Variants in ARSK observed in about 807,000 individuals in gnomAD.
ARSK encodes arylsulfatase family member K, also known as arylsulfatase K.
ARSK carries 37 observed loss-of-function variants against 53.2 expected under a neutral mutation model. That is an observed-to-expected ratio of 0.70 (90% CI 0.54 to 0.92). ARSK has a LOEUF of 0.92. Among genes scored for constraint, ARSK ranks in the 40% least tolerant of loss-of-function variants. The probability of loss-of-function intolerance (pLI) is 0.00; values close to 1 mark genes in which losing one functional copy is unlikely to be tolerated. For synonymous variants in ARSK, 208 were observed against 223.2 expected (o/e 0.93, Z 0.61); for missense variants, 613 against 643.0 (o/e 0.95, Z 0.51).
chr5:95,583,596 G>T (rs1304561159), intron 4 of ARSK, among the ~76,000 whole-genome samples: 1 of 151,842 alleles, frequency 6.6e-6, no homozygotes, highest in Non-Finnish European at 1.5e-5. Context: ...AAAATATTTT[G>T]AATTATGTTA....
intron 6 of ARSK, among the ~76,000 whole-genome samples, chr5:95,597,641 C>T (rs1749333436): frequency 6.6e-6 from 1 of 152,178 alleles, no homozygotes; most frequent in Non-Finnish European, 1.5e-5. Context: ...CGCCTGTAAT[C>T]CCAGCACTTT....
At chr5:95,562,831 A>C (rs1580214589) in intron 1 of ARSK, among the ~76,000 whole-genome samples, 1 of 152,386 alleles carries the variant, frequency 6.6e-6, no homozygotes, top group East Asian at 1.9e-4. Context: ...AATGGCCTTG[A>C]GAAAATTGAA....
chr5:95,597,960 G>A (rs1460292860), intron 6 of ARSK, among the ~76,000 whole-genome samples: 2 of 151,894 alleles, frequency 1.3e-5, no homozygotes, highest in Admixed American at 6.6e-5. Flanking sequence ...CTGGAACATG[G>A]TGAACAATTA....
Position 95,568,816 on chromosome 5 carries a change from G to A in ARSK, c.416+767G>A, listed in dbSNP as rs138931797. Among the ~76,000 whole-genome samples the A allele has an allele frequency of 2.0e-3, 303 of 152,162 alleles. 2 individuals carry two copies. The highest frequency in any genetic ancestry group is 7.1e-3 in the African/African-American group (294 of 41,488). On this transcript the variant is annotated intron_variant, in intron 3 of 7. Transcript: ENST00000380009. ...GCATTTGTGCATTGTGGTTTATGCCGAATACCAGCTTTCCTTCCAGGAGTA... is the reference window on the plus strand; with the variant it reads ...GCATTTGTGCATTGTGGTTTATGCCAAATACCAGCTTTCCTTCCAGGAGTA...
At position 95,567,975 on chromosome 5, in the gene ARSK, T is replaced by A; in HGVS notation, c.342T>A (p.Asp114Glu). The part of the protein sequence containing the change: ...GLDPNYTTWM[D>E]VMERHGYRTQ... ...ATCCAAATTATACAACATGGATGGATGTCATGGAGAGGCATGGCTACCGAA... is the reference window on the plus strand; with the variant it reads ...ATCCAAATTATACAACATGGATGGAAGTCATGGAGAGGCATGGCTACCGAA... Residue 114 changes from aspartate to glutamate, a missense_variant, in exon 3 of 8, where the codon GAT becomes GAA. Transcript: ENST00000380009. 1 of 1,613,924 alleles carries A rather than the reference T, an allele frequency of 6.2e-7. No homozygotes were observed. Among genetic ancestry groups the A allele is most frequent in the Non-Finnish European group, 8.5e-7 (1 of 1,179,892 alleles).
At chr5:95,576,708 A>G (rs1180663900) in intron 3 of ARSK, among the ~76,000 whole-genome samples, 3 of 151,500 alleles carry the variant, frequency 2.0e-5, no homozygotes. Context: ...AACATGGTGA[A>G]ACCCTGTCTC....
chr5:95,576,683 G>T (rs895081741), intron 3 of ARSK, among the ~76,000 whole-genome samples: 2 of 151,392 alleles, frequency 1.3e-5, no homozygotes, highest in African/African-American at 2.4e-5. Flanking sequence ...TCAGGAGCTC[G>T]AGACCAGCCT....
intron 3 of ARSK, among the ~76,000 whole-genome samples, chr5:95,568,516 C>T (rs186627323): frequency 1.1e-4 from 16 of 152,242 alleles, no homozygotes; most frequent in African/African-American, 3.9e-4. Flanking sequence ...ATCAGATTGC[C>T]TGCTTTTGAA....
chr5:95,565,178 T>TC (rs1471490926), intron 1 of ARSK, among the ~76,000 whole-genome samples: 5 of 152,192 alleles, frequency 3.3e-5, no homozygotes, highest in African/African-American at 1.2e-4. Flanking sequence ...GTTCTTCAAT[T>TC]CCCAGTTCAT....
At chr5:95,587,775 A>G (rs1749146430) in intron 5 of ARSK, among the ~76,000 whole-genome samples, 1 of 152,046 alleles carries the variant, frequency 6.6e-6, no homozygotes, top group South Asian at 2.1e-4. Flanking sequence ...GTGTGGTGGC[A>G]CGCACGTGTG....
In ARSK at chr5:95,586,683, A is replaced by G. The variant is rs779685757; in HGVS notation, c.821A>G (p.Asn274Ser). 17 of 1,611,908 alleles carry G rather than the reference A, an allele frequency of 1.1e-5. No homozygotes were observed. The East Asian group carries it at 3.8e-4, about 36-fold the overall frequency. Residue 274 changes from asparagine to serine, a missense_variant, in exon 5 of 8, where the codon AAT becomes AGT. Asn to Ser is a conservative substitution (Grantham distance 46, BLOSUM62 1). Transcript: ENST00000380009. ...TGRFTKKEIK[N>S]IRAFYYAMCA... The stretch of plus-strand genomic sequence containing the variant: ...AGATTTACAAAAAAAGAAATTAAGA[A>G]TATTAGAGCATTTTATTATGCTATG...
intron 2 of ARSK, among the ~76,000 whole-genome samples, chr5:95,566,713 T>C (rs1484297169): frequency 1.3e-5 from 2 of 152,206 alleles, no homozygotes; most frequent in East Asian, 3.8e-4. Flanking sequence ...AATTAACAAA[T>C]AGGAAAAAAC....
chr5:95,566,932 GAAACT>G (rs1306012249), intron 2 of ARSK, among the ~76,000 whole-genome samples: 6 of 152,104 alleles, frequency 3.9e-5, no homozygotes, highest in African/African-American at 1.2e-4. Context: ...GTGATGAAAA[GAAACT>G]AAACTATATT....
chr5:95,587,677 C>A (rs1749144012), intron 5 of ARSK, among the ~76,000 whole-genome samples: 1 of 152,110 alleles, frequency 6.6e-6, no homozygotes, highest in African/African-American at 2.4e-5. Flanking sequence ...GAGGCTGAGG[C>A]AGGTGGATCA....
At position 95,603,327 on chromosome 5, in the gene ARSK, T is replaced by A; in HGVS notation, c.1412T>A (p.Ile471Lys). 5 of 1,611,570 alleles carry A rather than the reference T, an allele frequency of 3.1e-6. No homozygotes were observed. Among genetic ancestry groups the A allele is most frequent in the Non-Finnish European group, 4.2e-6 (5 of 1,178,808 alleles). Residue 471 changes from isoleucine to lysine, a missense_variant, in exon 8 of 8, where the codon ATA becomes AAA. Transcript: ENST00000380009. ...YSLDQKLHSI[I>K]NYPKVSASVH... ...TTGGATCAGAAGCTTCATTCCATTA[T>A]AAACTACCCTAAAGTTTCTGCTTCT...
chr5:95,602,920 C>A (rs760351943), intron 7 of ARSK, among the ~76,000 whole-genome samples: 4 of 151,874 alleles, frequency 2.6e-5, no homozygotes, highest in Non-Finnish European at 5.9e-5. Context: ...TCAAAGTAGG[C>A]AGGACATCAA....
chr5:95,577,501 C>G (rs1264286768), intron 3 of ARSK, among the ~76,000 whole-genome samples: 1 of 152,152 alleles, frequency 6.6e-6, no homozygotes, highest in East Asian at 1.9e-4. Context: ...AAGCACCTGC[C>G]TGGATCAATG....
intron 3 of ARSK, among the ~76,000 whole-genome samples, chr5:95,574,198 A>G (rs1437677611): frequency 2.6e-5 from 4 of 152,214 alleles, no homozygotes; most frequent in Admixed American, 2.0e-4. Context: ...TTATAGCTGA[A>G]TAGTACTCCA....
chr5:95,591,869 A>T (rs371251170), intron 6 of ARSK, among the ~76,000 whole-genome samples: 1 of 152,314 alleles, frequency 6.6e-6, no homozygotes, highest in South Asian at 2.1e-4. Context: ...TCAGGAGATG[A>T]CTGTAAAGTA....
Sources: gnomAD v4.1 joint callset for allele counts (sites outside exome capture counted in the v4.1 genomes callset) on GRCh38, gnomAD v4.1.1 for gene constraint, MANE v1.5 for transcripts, NCBI Gene and HGNC (gene_info 2026-07-23, HGNC 2026-07-21) for gene names.